KCNH3: variants seen among roughly 807,000 people sequenced by gnomAD.
KCNH3 encodes the protein voltage-gated inwardly rectifying potassium channel KCNH3.
Under a neutral mutation model 95.6 loss-of-function variants are expected in KCNH3, and 36 were observed. The ratio of observed to expected loss-of-function variants is 0.38; its 90% confidence interval spans 0.29 to 0.50. The LOEUF is 0.50. KCNH3 is among the 20% of genes least tolerant of loss of function. The pLI is 0.95. For synonymous variants in KCNH3, 620 were observed against 646.3 expected, an observed-to-expected ratio of 0.96 and a Z score of 0.62; for missense variants, 1,030 against 1,484.1, an observed-to-expected ratio of 0.69 and a Z score of 5.03.
rs749400788 is a variant in KCNH3 at position 49,555,674 on chromosome 12, A to G, written c.2191A>G (p.Lys731Glu). 1.7e-5 allele frequency: 28 copies of G among 1,601,058 alleles called. No individual in the cohort carries two copies. Among genetic ancestry groups the G allele is most frequent in the Admixed American group, 3.4e-5 (2 of 58,840 alleles). ...DNTLMSTLEE[K>E]ETDGEQGPTV... The stretch of plus-strand genomic sequence containing the variant: ...TACCCTTATGTCCACGCTGGAGGAG[A>G]AGGAGACAGATGGGGAGCAGGGCCC... Residue 731 changes from lysine (K) to glutamate (E), a missense_variant, in exon 12 of 15, where the codon AAG (lysine) becomes GAG (glutamate). Coordinates refer to ENST00000257981, the MANE Select transcript of KCNH3 (RefSeq NM_012284.3).
chr12:49,546,691 C>G (rs1441913121), intron 7 of KCNH3, among the ~76,000 whole-genome samples: 2 of 152,180 alleles, frequency 1.3e-5, no homozygotes, highest in Non-Finnish European at 2.9e-5. Flanking sequence ...CCTGACCCCG[C>G]CCACCTGGAG....
chr12:49,543,238 C>T (rs1465534557), intron 4 of KCNH3, 37 bp from the exon 5 acceptor site: 8 of 1,601,234 alleles, frequency 5.0e-6, no homozygotes, highest in Non-Finnish European at 6.8e-6. Context: ...TGCCAATATT[C>T]TTTCCTCTCT....
At chr12:49,544,141 T>TCCCGGC in intron 6 of KCNH3, 34 bp from the exon 7 acceptor site, 1 of 1,413,422 alleles carries the variant, frequency 7.1e-7, no homozygotes, top group Non-Finnish European at 9.7e-7. Flanking sequence ...CCCGCTGACC[T>TCCCGGC]CCCTCCCTCC....
chr12:49,555,325 G>A (rs142040329), intron 11 of KCNH3, among the ~76,000 whole-genome samples: 21 of 150,222 alleles, frequency 1.4e-4, no homozygotes, highest in African/African-American at 4.9e-4. Context: ...GGTGGCGGGC[G>A]CCTGTAGTCC....
chr12:49,539,504 C>A lies in KCNH3; in HGVS notation c.76+12C>A. 1 of 1,587,922 alleles carries A rather than the reference C, an allele frequency of 6.3e-7. No homozygotes were observed. Among genetic ancestry groups the A allele is most frequent in the South Asian group, 1.1e-5 (1 of 88,006 alleles). ...CTTCGACGGCACGCGTGAGTCCGAC[C>A]CTCGCCCACTTGCACCCGGGCCGCC... On this transcript the variant is annotated intron_variant, in intron 1 of 14. Coordinates refer to ENST00000257981, the MANE Select transcript of KCNH3 (RefSeq NM_012284.3). The surrounding 1 kb of genome is among the most constrained non-coding windows in gnomAD (Gnocchi z 6.7).
Position 49,554,554 on chromosome 12 carries a change from G to A in KCNH3, c.2136G>A (p.Glu712=), listed in dbSNP as rs1857018318. ...YNLGAGGGSA[E]VDTSSLSGDN... is the part of the protein sequence containing the mutation. ...TGGGTGCTGGGGGAGGCTCTGCAGA[G>A]GTGAGTGTGCTGAGTATGTGCTTGG... is the stretch of plus-strand genomic sequence containing the variant. Residue 712 remains glutamate, a splice_region_variant and synonymous_variant, in exon 11 of 15, where the codon GAG becomes GAA. Coordinates refer to ENST00000257981, the MANE Select transcript of KCNH3 (RefSeq NM_012284.3). 1.2e-6 allele frequency: 2 copies of A among 1,610,778 alleles called. No individual in the cohort carries two copies. Among genetic ancestry groups the A allele is most frequent in the Admixed American group, 1.7e-5 (1 of 59,970 alleles).
At chr12:49,550,043 T>TGGCCCCC in intron 9 of KCNH3, 37 bp from the exon 10 acceptor site, 211 of 1,299,424 alleles carry the variant, frequency 1.6e-4, no homozygotes, top group Middle Eastern at 2.7e-4. Flanking sequence ...CTTCTGCCAC[T>TGGCCCCC]CCCAACCCCC....
chr12:49,551,780 G>C (rs1938272581), intron 10 of KCNH3, among the ~76,000 whole-genome samples: 1 of 151,098 alleles, frequency 6.6e-6, no homozygotes, highest in Non-Finnish European at 1.5e-5. Context: ...TAGATTCACT[G>C]TGGGGACTGC....
At position 49,556,447 on chromosome 12, in the gene KCNH3, A is replaced by G. The variant is rs1938447765; in HGVS notation, c.2546A>G (p.Glu849Gly). 6.2e-7 allele frequency: 1 copy of G among 1,613,782 alleles called. No homozygotes were observed. The highest frequency in any genetic ancestry group is 1.3e-5 in the African/African-American group (1 of 74,892). Reference protein sequence around the residue: ...FSFRVGQSGPECSSSPSPGPE... With the variant: ...FSFRVGQSGPGCSSSPSPGPE... The stretch of plus-strand genomic sequence containing the variant: ...TTCCGCGTGGGCCAGTCTGGCCCGG[A>G]ATGTAGCAGCAGCCCCTCCCCTGGA... Residue 849 changes from glutamate (E) to glycine (G), a missense_variant, in exon 13 of 15, where the codon GAA becomes GGA. By Grantham distance (98) the Glu-to-Gly change is moderately conservative. Around this residue, in one of 9 missense-constraint regions of KCNH3, gnomAD observed 464 missense variants for 493.2 expected, o/e 0.94. Coordinates refer to ENST00000257981, the MANE Select transcript of KCNH3 (RefSeq NM_012284.3).
At chr12:49,546,399 G>A (rs1362085896) in intron 7 of KCNH3, among the ~76,000 whole-genome samples, 2 of 152,126 alleles carry the variant, frequency 1.3e-5, no homozygotes, top group Non-Finnish European at 2.9e-5. Context: ...ACCTCTCCAA[G>A]TCCAGCCCTG....
At chr12:49,550,043 TCCCAACCC>T in intron 9 of KCNH3, 29 bp from the exon 10 acceptor site, 26 of 1,299,434 alleles carry the variant, frequency 2.0e-5, no homozygotes, top group Non-Finnish European at 2.7e-5. Flanking sequence ...CTTCTGCCAC[TCCCAACCC>T]CCCCACCCCC....
chr12:49,552,438 C>T (rs1452409617), intron 10 of KCNH3, among the ~76,000 whole-genome samples: 1 of 152,232 alleles, frequency 6.6e-6, no homozygotes, highest in African/African-American at 2.4e-5. Flanking sequence ...TTTGGGTGAA[C>T]TACTTCCCTG....
chr12:49,557,348 C>T lies in KCNH3; in HGVS notation c.2653-6C>T. 1.2e-6 allele frequency: 2 copies of T among 1,608,748 alleles called. No individual in the cohort carries two copies. The highest frequency in any genetic ancestry group is 1.7e-6 in the Non-Finnish European group (2 of 1,176,288). ...ATTCTGACCTCGCCTCCTCCCTCCC[C>T]CAAAGGTGACAGAGCTGTCAGAGCA... On this transcript the variant is annotated splice_region_variant and splice_polypyrimidine_tract_variant and intron_variant, in intron 14 of 14. Coordinates refer to ENST00000257981, the MANE Select transcript of KCNH3 (RefSeq NM_012284.3).
chr12:49,541,238 C>T, intron 2 of KCNH3, 106 bp downstream of exon 2: 1 of 835,266 alleles, frequency 1.2e-6, no homozygotes, highest in South Asian at 1.6e-5. Context: ...TTCTCCATCT[C>T]CCCATGTCAT....
intron 8 of KCNH3, 124 bp from the exon 9 acceptor site, chr12:49,549,317 C>CT: frequency 6.9e-7 from 1 of 1,457,540 alleles, no homozygotes; most frequent in Non-Finnish European, 9.3e-7. Context: ...GTGGGGGAGA[C>CT]TTCGCCCGCA....
At position 49,543,902 on chromosome 12, in the gene KCNH3, G is replaced by T; in HGVS notation, c.824-13G>T. The T allele has an allele frequency of 6.3e-7, 1 of 1,599,388 alleles. No individual in the cohort carries two copies. Among genetic ancestry groups the T allele is most frequent in the Non-Finnish European group, 8.6e-7 (1 of 1,168,294 alleles). ...CCAGCCCCAGTGCTGACTCCCACCCGGATTCCCCACAGACATTGTGCTGAA... is the reference window on the plus strand; with the variant it reads ...CCAGCCCCAGTGCTGACTCCCACCCTGATTCCCCACAGACATTGTGCTGAA... On this transcript the variant is annotated splice_polypyrimidine_tract_variant and intron_variant, in intron 5 of 14. Coordinates refer to ENST00000257981, the MANE Select transcript of KCNH3 (RefSeq NM_012284.3).
At chr12:49,555,197 T>C (rs1409997034) in intron 11 of KCNH3, among the ~76,000 whole-genome samples, 1 of 151,126 alleles carries the variant, frequency 6.6e-6, no homozygotes, top group East Asian at 2.0e-4. Context: ...TCCCAGCACT[T>C]TGGGAGGCTG....
Position 49,544,159 on chromosome 12 carries a change from C to A in KCNH3, c.982-16C>A. The A allele has an allele frequency of 6.3e-7, 1 of 1,590,542 alleles. No homozygotes were observed. On this transcript the variant is annotated splice_polypyrimidine_tract_variant and intron_variant, in intron 6 of 14. Coordinates refer to ENST00000257981, the MANE Select transcript of KCNH3 (RefSeq NM_012284.3). ...GCTGACCTCCCTCCCTCCCTCCCTC[C>A]CTCCCCGCATCTCAGTACTTCGGGG...
At chr12:49,542,882 C>T (rs373732444) in intron 4 of KCNH3, 43 bp downstream of exon 4, 135 of 1,589,962 alleles carry the variant, frequency 8.5e-5, no homozygotes, top group African/African-American at 1.9e-4. Flanking sequence ...GAGGGGCAGA[C>T]GCAGAAGATG....
Sources: gnomAD v4.1 joint callset for allele counts (sites outside exome capture counted in the v4.1 genomes callset) on GRCh38, gnomAD v4.1.1 for gene constraint, gnomAD v4.1.1 regional missense constraint, Gnocchi (gnomAD v3.1) non-coding constraint, MANE v1.5 for transcripts, NCBI Gene and HGNC (gene_info 2026-07-23, HGNC 2026-07-21) for gene names.